SRGAP2C: variants seen among roughly 807,000 people sequenced by gnomAD.
SRGAP2C encodes the protein SLIT-ROBO Rho GTPase-activating protein 2C.
Under a neutral mutation model 25.1 loss-of-function variants are expected in SRGAP2C, and 15 were observed. The ratio of observed to expected loss-of-function variants is 0.60; its 90% CI spans 0.40 to 0.92. The LOEUF is 0.92. SRGAP2C is among the 40% of genes least tolerant of loss of function. The pLI is 0.00. For synonymous variants in SRGAP2C, 44 were observed against 96.6 expected (o/e 0.46, Z 3.19); for missense variants, 144 against 264.4 (o/e 0.54, Z 3.16).
At chr1:121,363,106 G>A (rs1456974442) in intron 4 of SRGAP2C, among the ~76,000 whole-genome samples, 1 of 152,078 alleles carries the variant, frequency 6.6e-6, no homozygotes, top group African/African-American at 2.4e-5. Context: ...AAATGTTTTA[G>A]CAGAAGCTTT....
At chr1:121,212,499 T>C (rs1195136721) in intron 2 of SRGAP2C, among the ~76,000 whole-genome samples, 1 of 151,554 alleles carries the variant, frequency 6.6e-6, no homozygotes, top group Non-Finnish European at 1.5e-5. Context: ...GGCAGTATTG[T>C]ATGGGGAGCT....
At chr1:121,315,311 C>A in intron 3 of SRGAP2C, among the ~76,000 whole-genome samples, 1 of 151,366 alleles carries the variant, frequency 6.6e-6, no homozygotes, top group Middle Eastern at 3.4e-3. Context: ...ACCTGGCTTC[C>A]ATTTACTTTT....
chr1:121,259,547 G>T (rs868946780), intron 2 of SRGAP2C, among the ~76,000 whole-genome samples: 7,362 of 147,774 alleles, frequency 0.05, 623 homozygotes, highest in African/African-American at 0.17. Context: ...AGTAGGTGAA[G>T]ATATACTTAT....
At chr1:121,265,684 CAG>C (rs1409278085) in intron 2 of SRGAP2C, among the ~76,000 whole-genome samples, 3 of 148,270 alleles carry the variant, frequency 2.0e-5, no homozygotes, top group African/African-American at 7.4e-5. Context: ...GCGGTTACCA[CAG>C]AGAGTTTCAA....
intron 7 of SRGAP2C, among the ~76,000 whole-genome samples, chr1:121,378,739 C>T (rs587686410): frequency 5.2e-4 from 79 of 152,170 alleles, no homozygotes; most frequent in African/African-American, 1.8e-3. Flanking sequence ...CTGCCTCCTT[C>T]CTAGTGGTTC....
intron 3 of SRGAP2C, among the ~76,000 whole-genome samples, chr1:121,321,235 G>GT (rs1444702060): frequency 7.4e-6 from 1 of 135,634 alleles, no homozygotes; most frequent in Non-Finnish European, 1.6e-5. Context: ...ATGTGTCACC[G>GT]TTTTTTAAAT....
intron 6 of SRGAP2C, 96 bp from the exon 7 acceptor site, chr1:121,374,730 C>T (rs1280454720): frequency 1.7e-5 from 11 of 663,850 alleles, no homozygotes; most frequent in African/African-American, 1.6e-4. Flanking sequence ...AGTAGCAACA[C>T]AATTGTAGTT....
intron 3 of SRGAP2C, among the ~76,000 whole-genome samples, chr1:121,290,448 A>G: frequency 1.3e-5 from 2 of 150,990 alleles, no homozygotes; most frequent in South Asian, 4.2e-4. Flanking sequence ...CAATCAGTCT[A>G]CTTATTCAAC....
chr1:121,285,391 GTCTC>G (rs1167239844), intron 3 of SRGAP2C, among the ~76,000 whole-genome samples: 4 of 134,162 alleles, frequency 3.0e-5, no homozygotes, highest in Non-Finnish European at 4.9e-5. Context: ...CTTAATCTCT[GTCTC>G]TCTCTCTCTC....
intron 4 of SRGAP2C, among the ~76,000 whole-genome samples, chr1:121,343,079 CAT>C (rs1658667312): frequency 6.6e-6 from 1 of 151,616 alleles, no homozygotes. Context: ...TCATTAGACT[CAT>C]ATCAAATCCT....
At chr1:121,308,835 A>T (rs1351723719) in intron 3 of SRGAP2C, among the ~76,000 whole-genome samples, 1 of 144,042 alleles carries the variant, frequency 6.9e-6, no homozygotes, top group East Asian at 2.1e-4. Flanking sequence ...GCTACTCAGG[A>T]GGCTGAGGCA....
chr1:121,282,329 A>G (rs1260620091), intron 2 of SRGAP2C, among the ~76,000 whole-genome samples: 4 of 139,960 alleles, frequency 2.9e-5, no homozygotes, highest in African/African-American at 5.3e-5. Context: ...CTGGAACTTC[A>G]TGGGACTTTG....
At chr1:121,188,400 C>A (rs1274452792) in intron 2 of SRGAP2C, among the ~76,000 whole-genome samples, 9 of 151,356 alleles carry the variant, frequency 5.9e-5, no homozygotes, top group Non-Finnish European at 1.2e-4. Context: ...GTTTTTTAAA[C>A]CAGCAATTCC....
intron 3 of SRGAP2C, among the ~76,000 whole-genome samples, chr1:121,306,916 C>A (rs1210576465): frequency 6.6e-6 from 1 of 151,966 alleles, no homozygotes. Context: ...CAGAACAATA[C>A]TTATCTTTGC....
At chr1:121,223,020 G>A (rs1490987650) in intron 2 of SRGAP2C, among the ~76,000 whole-genome samples, 2 of 151,888 alleles carry the variant, frequency 1.3e-5, no homozygotes, top group African/African-American at 4.8e-5. Flanking sequence ...CAAATGTACA[G>A]CTAAATTGAT....
At position 121,392,012 on chromosome 1, in the gene SRGAP2C, TAAC is replaced by T. The variant is rs1190514660; in HGVS notation, c.*4160_*4162del. On this transcript the variant is annotated 3_prime_UTR_variant, in exon 10 of 10. Coordinates refer to ENST00000367123, the MANE Select transcript of SRGAP2C (RefSeq NM_001329984.2). ...AAAAGTAGGAATATCAGCAAAGAGA[TAAC>T]AAATTCTGGAGTGGAAAACTACAAT... 5 of 151,950 alleles carry T rather than the reference TAAC, an allele frequency of 3.3e-5. No homozygotes were observed. Among genetic ancestry groups the T allele is most frequent in the Non-Finnish European group, 7.4e-5 (5 of 67,978 alleles). The allele number at this position is 151,950 out of a possible 1,614,324, so 9.4% of individuals were successfully genotyped here. A position where few individuals can be genotyped will look rare whatever the true frequency, so the allele number is the denominator to read the frequency against.
intron 2 of SRGAP2C, among the ~76,000 whole-genome samples, chr1:121,273,913 T>G (rs1553335706): frequency 2.0e-5 from 3 of 151,702 alleles, no homozygotes; most frequent in African/African-American, 7.3e-5. Context: ...ACTGTCAGGC[T>G]GGTGCATCAA....
intron 4 of SRGAP2C, among the ~76,000 whole-genome samples, chr1:121,346,940 G>A (rs1553344069): frequency 6.6e-6 from 1 of 152,044 alleles, no homozygotes; most frequent in East Asian, 1.9e-4. Context: ...GACTCCTTCT[G>A]GCCCATAATA....
intron 4 of SRGAP2C, among the ~76,000 whole-genome samples, chr1:121,332,476 C>G (rs1274210138): frequency 2.7e-5 from 4 of 150,926 alleles, no homozygotes; most frequent in South Asian, 2.1e-4. Flanking sequence ...TTCCTTCACA[C>G]TGCAGGAAGT....
Sources: allele counts gnomAD v4.1 joint callset (sites outside exome capture counted in the v4.1 genomes callset), GRCh38; gene constraint gnomAD v4.1.1; transcripts MANE v1.5; gene names NCBI Gene and HGNC (gene_info 2026-07-23, HGNC 2026-07-21).